Variants in XKR4 observed in about 807,000 individuals in gnomAD.
XKR4 encodes XK-related protein 4.
A neutral mutation model predicts 53.9 loss-of-function variants in XKR4; 12 were observed. The observed-to-expected ratio is 0.22, with a 90% CI of 0.14 to 0.36. The LOEUF (loss-of-function observed/expected upper bound fraction) is 0.36. Among genes scored for constraint, XKR4 ranks in the 10% least tolerant of loss-of-function variants. The pLI, the probability that XKR4 is intolerant of heterozygous loss-of-function variation, is 1.00. For missense variants in XKR4, 799 were observed against 859.5 expected (o/e 0.93, Z 0.88); for synonymous variants, 354 against 362.4 (o/e 0.98, Z 0.26).
chr8:55,200,026 A>G (rs968485108), intron 1 of XKR4, among the ~76,000 whole-genome samples: 2 of 152,132 alleles, frequency 1.3e-5, no homozygotes, highest in African/African-American at 4.8e-5. Flanking sequence ...CTGCATCACT[A>G]TGTCATCCAC....
intron 1 of XKR4, among the ~76,000 whole-genome samples, chr8:55,329,521 G>A (rs982031855): frequency 6.6e-6 from 1 of 151,998 alleles, no homozygotes; most frequent in Non-Finnish European, 1.5e-5. Context: ...TATTCTACAT[G>A]GACTAAGTTT....
chr8:55,362,962 G>A (rs1171238856), intron 2 of XKR4, among the ~76,000 whole-genome samples: 2 of 152,214 alleles, frequency 1.3e-5, no homozygotes, highest in African/African-American at 4.8e-5. Context: ...GCTAAGTACA[G>A]CACAGTCACC....
intron 1 of XKR4, among the ~76,000 whole-genome samples, chr8:55,215,590 C>T (rs1030021902): frequency 2.0e-5 from 3 of 152,060 alleles, no homozygotes; most frequent in African/African-American, 7.2e-5. Flanking sequence ...TGTATTTCAC[C>T]ATAACAATAG....
At chr8:55,396,457 A>G (rs1804520739) in intron 2 of XKR4, among the ~76,000 whole-genome samples, 1 of 117,346 alleles carries the variant, frequency 8.5e-6, no homozygotes, top group Non-Finnish European at 1.6e-5. Context: ...ACTTGGGGTA[A>G]TTGGGGATCA....
chr8:55,500,444 C>A (rs1304251267), intron 2 of XKR4, among the ~76,000 whole-genome samples: 1 of 152,152 alleles, frequency 6.6e-6, no homozygotes, highest in Non-Finnish European at 1.5e-5. Context: ...AAGATCCACC[C>A]ATTATTCTCT....
chr8:55,400,935 G>T (rs765564427), intron 2 of XKR4, among the ~76,000 whole-genome samples: 9 of 152,158 alleles, frequency 5.9e-5, no homozygotes, highest in Non-Finnish European at 1.2e-4. Context: ...CATCTTAAAG[G>T]CAGACACAGT....
At chr8:55,150,684 C>T (rs1263613567) in intron 1 of XKR4, among the ~76,000 whole-genome samples, 4 of 152,162 alleles carry the variant, frequency 2.6e-5, no homozygotes, top group Non-Finnish European at 4.4e-5. Context: ...TTTGTGTGGA[C>T]ATGCATAACC....
At chr8:55,120,610 C>T (rs915491875) in intron 1 of XKR4, among the ~76,000 whole-genome samples, 5 of 151,682 alleles carry the variant, frequency 3.3e-5, no homozygotes, top group African/African-American at 1.2e-4. Context: ...TGGAAAGTAC[C>T]GAAAGTTCCC....
At chr8:55,427,383 AT>A (rs1376075857) in intron 2 of XKR4, among the ~76,000 whole-genome samples, 1 of 151,926 alleles carries the variant, frequency 6.6e-6, no homozygotes, top group Non-Finnish European at 1.5e-5. Flanking sequence ...TTTAAAAAAA[AT>A]TTTTTTAATA....
rs538616545 is a variant in XKR4, at chr8:55,363,772, G to A, written c.1006+5895G>A. ...TCTGCAGAGGGGGAAGAGTGCAGGC[G>A]AGAGTGCCAGTCTGTGAGGGGTCTA... On this transcript the variant is annotated intron_variant, in intron 2 of 2. Transcript: ENST00000327381. Among the ~76,000 whole-genome samples the A allele has an allele frequency of 5.3e-5, 8 of 152,274 alleles. No homozygotes were observed. The East Asian group carries it at 5.8e-4, about 11-fold the overall frequency.
chr8:55,147,828 C>T (rs577231688), intron 1 of XKR4, among the ~76,000 whole-genome samples: 1 of 152,090 alleles, frequency 6.6e-6, no homozygotes, highest in South Asian at 2.1e-4. Flanking sequence ...TGACATTGTG[C>T]CAAAAGAGAA....
At chr8:55,463,480 G>T (rs1585588440) in intron 2 of XKR4, among the ~76,000 whole-genome samples, 2 of 151,544 alleles carry the variant, frequency 1.3e-5, no homozygotes, top group Non-Finnish European at 2.9e-5. Context: ...AAAGCAGTGT[G>T]TAGAGGGAAA....
At chr8:55,406,356 C>A (rs1360529573) in intron 2 of XKR4, among the ~76,000 whole-genome samples, 3 of 152,160 alleles carry the variant, frequency 2.0e-5, no homozygotes, top group Non-Finnish European at 4.4e-5. Flanking sequence ...GTGCTCAGAG[C>A]TACACTCAAA....
intron 1 of XKR4, among the ~76,000 whole-genome samples, chr8:55,216,598 A>G (rs1393598020): frequency 6.6e-6 from 1 of 151,982 alleles, no homozygotes; most frequent in Non-Finnish European, 1.5e-5. Context: ...GTGGTGGCAC[A>G]TGCCTGTAAT....
At chr8:55,277,368 A>G (rs989843964) in intron 1 of XKR4, among the ~76,000 whole-genome samples, 6 of 152,248 alleles carry the variant, frequency 3.9e-5, no homozygotes, top group African/African-American at 1.2e-4. Flanking sequence ...ATATACACAT[A>G]CAAGTTGAGT....
chr8:55,482,295 G>A (rs1806121581), intron 2 of XKR4, among the ~76,000 whole-genome samples: 1 of 151,896 alleles, frequency 6.6e-6, no homozygotes. Context: ...CTATTGCAAG[G>A]ACAAAAAACC....
intron 2 of XKR4, among the ~76,000 whole-genome samples, chr8:55,445,986 T>C (rs1202369735): frequency 6.6e-6 from 1 of 152,210 alleles, no homozygotes; most frequent in Admixed American, 6.5e-5. Context: ...AAAAATCTCC[T>C]TGTGCTGTGT....
intron 1 of XKR4, among the ~76,000 whole-genome samples, chr8:55,295,660 C>T (rs1272892944): frequency 1.3e-5 from 2 of 152,144 alleles, no homozygotes; most frequent in African/African-American, 4.8e-5. Flanking sequence ...ACTGATCTGA[C>T]CCTTTGCAGG....
chr8:55,430,413 G>A (rs1216708987), intron 2 of XKR4, among the ~76,000 whole-genome samples: 3 of 152,036 alleles, frequency 2.0e-5, no homozygotes, highest in Non-Finnish European at 2.9e-5. Flanking sequence ...TCCTTCAACC[G>A]GTGCATTAAT....
Sources: gnomAD v4.1 joint callset for allele counts (sites outside exome capture counted in the v4.1 genomes callset) on GRCh38, gnomAD v4.1.1 for gene constraint, MANE v1.5 for transcripts, NCBI Gene and HGNC (gene_info 2026-07-23, HGNC 2026-07-21) for gene names.